Variants in TNFSF4 observed in about 807,000 individuals in gnomAD.
TNFSF4 encodes TNF superfamily member 4.
TNFSF4 carries 4 observed loss-of-function variants against 7.3 expected under a neutral mutation model. The ratio of observed to expected loss-of-function variants is 0.55; its 90% CI spans 0.27 to 1.25. The LOEUF is 1.25. TNFSF4 is among the 50% of genes most tolerant of loss of function. The pLI is 0.12. For missense variants in TNFSF4, 181 were observed against 208.8 expected, an observed-to-expected ratio of 0.87 and a Z score of 0.82; for synonymous variants, 76 against 83.7, an observed-to-expected ratio of 0.91 and a Z score of 0.50.
At chr1:173,291,912 A>G in the TNFSF4 span, among the ~76,000 whole-genome samples, 3 of 151,982 alleles carry the variant, frequency 2.0e-5, no homozygotes, top group Non-Finnish European at 4.4e-5. Context: ...GAAATAGATA[A>G]ATTCCTGAAC....
chr1:173,223,256 A>G, the TNFSF4 span, among the ~76,000 whole-genome samples: 1 of 152,210 alleles, frequency 6.6e-6, no homozygotes, highest in African/African-American at 2.4e-5. Flanking sequence ...TACCTGGCAT[A>G]CAGCTTTTAA....
At chr1:173,435,296 C>T in the TNFSF4 span, among the ~76,000 whole-genome samples, 3 of 152,208 alleles carry the variant, frequency 2.0e-5, no homozygotes, top group Non-Finnish European at 4.4e-5. Flanking sequence ...CTAAAACTTA[C>T]TAAATAACTG....
At chr1:173,225,448 C>G in the TNFSF4 span, among the ~76,000 whole-genome samples, 2 of 152,182 alleles carry the variant, frequency 1.3e-5, no homozygotes, top group African/African-American at 2.4e-5. Context: ...ACCCCTTTCT[C>G]TACACGTGTG....
the TNFSF4 span, among the ~76,000 whole-genome samples, chr1:173,228,278 G>A: frequency 3.9e-5 from 6 of 152,200 alleles, no homozygotes; most frequent in African/African-American, 1.2e-4. Flanking sequence ...AGCAATATTC[G>A]CTGTTCTGCA....
the TNFSF4 span, among the ~76,000 whole-genome samples, chr1:173,259,119 G>T: frequency 6.6e-6 from 1 of 152,110 alleles, no homozygotes; most frequent in Non-Finnish European, 1.5e-5. Flanking sequence ...GTGCTCCTCT[G>T]GGATGGAGCT....
At chr1:173,272,780 G>A in the TNFSF4 span, among the ~76,000 whole-genome samples, 5 of 152,100 alleles carry the variant, frequency 3.3e-5, no homozygotes, top group African/African-American at 4.8e-5. Context: ...TCCACTTCTC[G>A]AAAGCCATTG....
chr1:173,376,795 G>A, the TNFSF4 span, among the ~76,000 whole-genome samples: 8 of 152,084 alleles, frequency 5.3e-5, no homozygotes, highest in African/African-American at 1.4e-4. Flanking sequence ...TTGTTCTTTC[G>A]CTCTTCAAAA....
the TNFSF4 span, among the ~76,000 whole-genome samples, chr1:173,382,405 A>G: frequency 6.6e-6 from 1 of 152,190 alleles, no homozygotes; most frequent in East Asian, 1.9e-4. Context: ...TCATTCTTGA[A>G]GTCAGCAAGA....
At chr1:173,353,375 T>C in the TNFSF4 span, among the ~76,000 whole-genome samples, 1 of 152,234 alleles carries the variant, frequency 6.6e-6, no homozygotes, top group Non-Finnish European at 1.5e-5. Context: ...CAATTTATTT[T>C]CTTCTGTCAT....
the TNFSF4 span, among the ~76,000 whole-genome samples, chr1:173,307,120 TA>T: frequency 1.3e-5 from 2 of 151,904 alleles, no homozygotes; most frequent in Non-Finnish European, 2.9e-5. Context: ...AAATACTTTA[TA>T]AAATGCTTTA....
At chr1:173,320,735 T>A in the TNFSF4 span, among the ~76,000 whole-genome samples, 1 of 152,018 alleles carries the variant, frequency 6.6e-6, no homozygotes, top group Non-Finnish European at 1.5e-5. Flanking sequence ...ACAATTGCTA[T>A]GAAGAGAATA....
chr1:173,376,194 A>C, the TNFSF4 span, among the ~76,000 whole-genome samples: 4 of 152,296 alleles, frequency 2.6e-5, no homozygotes, highest in East Asian at 7.7e-4. Context: ...CTTGGAACCA[A>C]CCCAAATGCC....
At chr1:173,309,117 C>A in the TNFSF4 span, among the ~76,000 whole-genome samples, 1 of 151,922 alleles carries the variant, frequency 6.6e-6, no homozygotes, top group African/African-American at 2.4e-5. Flanking sequence ...AATAATTTAT[C>A]TATAGATTAT....
the TNFSF4 span, among the ~76,000 whole-genome samples, chr1:173,397,865 G>A: frequency 1.3e-5 from 2 of 152,188 alleles, no homozygotes; most frequent in African/African-American, 2.4e-5. Context: ...GGTACCCACC[G>A]AATCCCCATT....
chr1:173,371,871 C>A, the TNFSF4 span, among the ~76,000 whole-genome samples: 1 of 152,188 alleles, frequency 6.6e-6, no homozygotes, highest in African/African-American at 2.4e-5. Flanking sequence ...TCCCACAGAC[C>A]ACACGTCCCA....
At chr1:173,242,443 T>C in the TNFSF4 span, among the ~76,000 whole-genome samples, 3 of 152,218 alleles carry the variant, frequency 2.0e-5, no homozygotes, top group Non-Finnish European at 2.9e-5. Flanking sequence ...CTTTGGCTAC[T>C]AGTAGGTTCA....
At chr1:173,228,115 C>T in the TNFSF4 span, among the ~76,000 whole-genome samples, 3 of 152,322 alleles carry the variant, frequency 2.0e-5, no homozygotes, top group African/African-American at 7.2e-5. Context: ...GATCTGAGAA[C>T]AGATAGACTG....
At chr1:173,298,488 G>C in the TNFSF4 span, among the ~76,000 whole-genome samples, 1 of 151,994 alleles carries the variant, frequency 6.6e-6, no homozygotes, top group African/African-American at 2.4e-5. Context: ...GTAGTCTTTG[G>C]TACCCAAGGA....
chr1:173,275,626 A>AC, the TNFSF4 span, among the ~76,000 whole-genome samples: 3 of 152,128 alleles, frequency 2.0e-5, no homozygotes, highest in Admixed American at 6.5e-5. Flanking sequence ...ATCTCTTATT[A>AC]CCAGTGTTTT....
Sources: gnomAD v4.1 joint callset for allele counts (sites outside exome capture counted in the v4.1 genomes callset) on GRCh38, gnomAD v4.1.1 for gene constraint, MANE v1.5 for transcripts, NCBI Gene and HGNC (gene_info 2026-07-23, HGNC 2026-07-21) for gene names.